Variants in ZPR1 observed in about 807,000 individuals in gnomAD.
ZPR1 encodes zinc finger protein ZPR1.
In ZPR1, 37 loss-of-function variants were observed where a neutral mutation model predicts 59.6. The ratio of observed to expected loss-of-function variants is 0.62; its 90% CI spans 0.48 to 0.82. ZPR1 has a LOEUF of 0.82. Among genes scored for constraint, ZPR1 ranks in the 40% least tolerant of loss-of-function variants. ZPR1 has a pLI of 0.00. For synonymous variants in ZPR1, 191 were observed against 215.2 expected, an observed-to-expected ratio of 0.89 and a Z score of 0.99; for missense variants, 527 against 579.9, an observed-to-expected ratio of 0.91 and a Z score of 0.94.
intron 9 of ZPR1, 139 bp from the exon 10 acceptor site, chr11:116,783,758 G>C (rs1053612098): frequency 1.5e-6 from 1 of 647,470 alleles, no homozygotes; most frequent in Non-Finnish European, 2.6e-6. Context: ...CTAAACAGCA[G>C]TCGCCCAAAC....
At chr11:116,783,208 G>T (rs867795797) in intron 10 of ZPR1, among the ~76,000 whole-genome samples, 179 bp from the exon 11 acceptor site, 36 of 152,192 alleles carry the variant, frequency 2.4e-4, no homozygotes, top group African/African-American at 8.7e-4. Context: ...CACGGGAATA[G>T]ATCCAACTTA....
Position 116,786,580 on chromosome 11 carries a change from A to G in ZPR1, c.426T>C (p.Ala142=), listed in dbSNP as rs756175513. ...TGATCAATCCTTCAACAGTGGTCAG[A>G]GCTTGTGAACAAGAACAAAAGACAA... ...FEIPAFSQKG[A]LTTVEGLITR... The change falls in exon 4 of 14, where the codon GCT becomes GCC. Residue 142 remains alanine (A), a splice_region_variant and synonymous_variant. Transcript: ENST00000227322. 1 of 1,614,114 alleles carries G rather than the reference A, an allele frequency of 6.2e-7. No homozygotes were observed.
Position 116,777,191 on chromosome 11 carries a change from C to G in ZPR1, c.*1734G>C, listed in dbSNP as rs1201862590. ...CAAAGTGAAGGGAAAACCAAGGGTA[C>G]AGTATCTCGAGAGCCAAAAGAAGGG... On this transcript the variant is annotated 3_prime_UTR_variant, in exon 14 of 14. Transcript: ENST00000227322. 6.6e-6 allele frequency: 1 copy of G among 152,176 alleles called. No homozygotes were observed. The highest frequency in any genetic ancestry group is 1.5e-5 in the Non-Finnish European group (1 of 68,032). 9.4% of individuals were successfully genotyped at this position (152,176 alleles called of 1,614,324 possible).
At chr11:116,780,101 A>T (rs983656240) in intron 12 of ZPR1, among the ~76,000 whole-genome samples, 17 of 147,644 alleles carry the variant, frequency 1.2e-4, no homozygotes, top group African/African-American at 2.9e-4. Context: ...AAAAATTTTT[A>T]AAAAAAGAGG....
At chr11:116,786,845 C>T (rs3741298) in intron 3 of ZPR1, 124 bp downstream of exon 3, 608,382 of 818,886 alleles carry the variant, frequency 0.74, 230,058 homozygotes, top group Non-Finnish European at 0.8. Context: ...TAATGAAGAT[C>T]ACAATGATTA....
intron 3 of ZPR1, 68 bp downstream of exon 3, chr11:116,786,900 GT>G: frequency 7.7e-7 from 1 of 1,296,528 alleles, no homozygotes; most frequent in Non-Finnish European, 1.1e-6. Flanking sequence ...GCACCAGGGG[GT>G]TTTGCAAGAA....
At chr11:116,782,354 T>C in intron 11 of ZPR1, 110 bp from the exon 12 acceptor site, 1 of 897,028 alleles carries the variant, frequency 1.1e-6, no homozygotes, top group Non-Finnish European at 1.8e-6. Flanking sequence ...GAAACTTGGT[T>C]TCCATTTAGC....
In ZPR1 at chr11:116,787,810, C is replaced by CCCGCCT. The variant is rs1321711419; in HGVS notation, c.171+4_171+9dup. 6.4e-7 allele frequency: 1 copy of CCCGCCT among 1,551,014 alleles called. No homozygotes were observed. Among genetic ancestry groups the CCCGCCT allele is most frequent in the Non-Finnish European group, 8.7e-7 (1 of 1,148,560 alleles). ...CCCACCCGCCGCTCGCGGCCGCGCC[C>CCCGCCT]CCGCCTCACATTGCAGTAACAGTTC... On this transcript the variant is annotated intron_variant, in intron 1 of 13. Coordinates refer to ENST00000227322, the MANE Select transcript of ZPR1 (RefSeq NM_003904.5).
rs1275513190 is a variant in ZPR1 at position 116,784,396 on chromosome 11, A to C, written c.873T>G (p.Cys291Trp). The C allele has an allele frequency of 6.2e-7, 1 of 1,614,162 alleles. No individual in the cohort carries two copies. Among genetic ancestry groups the C allele is most frequent in the South Asian group, 1.1e-5 (1 of 91,078 alleles). The change falls in exon 9 of 14, where the codon TGT (cysteine) becomes TGG (tryptophan). Residue 291 changes from cysteine (C) to tryptophan (W), a missense_variant. Physicochemically the swap from Cys to Trp is radical, Grantham distance 215 (BLOSUM62 -2). Coordinates refer to ENST00000227322, the MANE Select transcript of ZPR1 (RefSeq NM_003904.5). ...VIIMATNCEN[C>W]GHRTNEVKSG... ...CACCCACCTCATTGGTCCGATGCCC[A>C]CAGTTCTCGCAGTTGGTAGCCATGA...
chr11:116,779,079 C>T lies in ZPR1; in HGVS notation c.1246-20G>A, dbSNP rs780004265. On this transcript the variant is annotated intron_variant, in intron 13 of 13. Coordinates refer to ENST00000227322, the MANE Select transcript of ZPR1 (RefSeq NM_003904.5). Reference sequence around the variant, plus strand: ...CACATTCTGCAAGGTCAAGGAGAGACAATCAGTGCCGCTGTGCCACTCCCC... The same window carrying T: ...CACATTCTGCAAGGTCAAGGAGAGATAATCAGTGCCGCTGTGCCACTCCCC... 2 of 1,613,040 alleles carry T rather than the reference C, an allele frequency of 1.2e-6. No homozygotes were observed. The highest frequency in any genetic ancestry group is 2.2e-5 in the South Asian group (2 of 90,970).
Position 116,787,575 on chromosome 11 carries a change from G to T in ZPR1, c.240C>A (p.Cys80Ter), listed in dbSNP as rs1374645416. 5 of 1,614,228 alleles carry T rather than the reference G, an allele frequency of 3.1e-6. No homozygotes were observed. The highest frequency in any genetic ancestry group is 4.2e-6 in the Non-Finnish European group (5 of 1,180,032). Residue 80 changes from cysteine to a stop codon, truncating the protein, a stop_gained, in exon 2 of 14, where the codon TGC becomes TGA. Transcript: ENST00000227322. LOFTEE classifies it high-confidence loss of function. ...FREIIVSSFS[C>*]EHCGWNNTEI... Reference sequence around the variant, plus strand: ...CCGTGTTGTTCCAGCCACAGTGCTCGCAGGAAAAGGAGCTCACTATTATTT... The same window carrying T: ...CCGTGTTGTTCCAGCCACAGTGCTCTCAGGAAAAGGAGCTCACTATTATTT...
rs1014649881 is a variant in ZPR1, at chr11:116,773,836, G to C, written c.*5089C>G. On this transcript the variant is annotated 3_prime_UTR_variant, in exon 14 of 14. Coordinates refer to ENST00000227322, the MANE Select transcript of ZPR1 (RefSeq NM_003904.5). ...AGAAAAGACTTTATTCTTTGCAGGG[G>C]GTTTAGAGCTTTACCTGAATTATCT... 1 of 152,024 alleles carries C rather than the reference G, an allele frequency of 6.6e-6. No individual in the cohort carries two copies. The highest frequency in any genetic ancestry group is 2.1e-4 in the South Asian group (1 of 4,832). 9.4% of individuals were successfully genotyped at this position (152,024 alleles called of 1,614,324 possible). A position where few individuals can be genotyped will look rare whatever the true frequency, so the allele number is the denominator to read the frequency against.
rs1940722246 is a variant in ZPR1 at position 116,776,363 on chromosome 11, C to G, written c.*2562G>C. Reference sequence around the variant, plus strand: ...CGAGACCCTTTCCCTATCTTTTTACCTATAGATGTTATCCCTAGTGTCCTA... The same window carrying G: ...CGAGACCCTTTCCCTATCTTTTTACGTATAGATGTTATCCCTAGTGTCCTA... On this transcript the variant is annotated 3_prime_UTR_variant, in exon 14 of 14. Transcript: ENST00000227322. 1 of 152,186 alleles carries G rather than the reference C, an allele frequency of 6.6e-6. No individual in the cohort carries two copies. The highest frequency in any genetic ancestry group is 1.5e-5 in the Non-Finnish European group (1 of 68,050). 9.4% of individuals were successfully genotyped at this position (152,186 alleles called of 1,614,324 possible).
chr11:116,785,876 T>G lies in ZPR1; in HGVS notation c.502A>C (p.Lys168Gln). The change falls in exon 5 of 14, where the codon AAA (lysine) becomes CAA (glutamine). Residue 168 changes from lysine (K) to glutamine (Q), a missense_variant. Physicochemically the swap from Lys to Gln is moderately conservative, Grantham distance 53. Coordinates refer to ENST00000227322, the MANE Select transcript of ZPR1 (RefSeq NM_003904.5). ...EQDQPARRAN[K>Q]DATAERIDEF... ...TCAATTCTTTCAGCTGTAGCATCTTTGTTTGCCTGCCATGAACAGAGAGTA... is the reference window on the plus strand; with the variant it reads ...TCAATTCTTTCAGCTGTAGCATCTTGGTTTGCCTGCCATGAACAGAGAGTA... 1 of 1,614,198 alleles carries G rather than the reference T, an allele frequency of 6.2e-7. No homozygotes were observed.
rs763000803 is a variant in ZPR1 at position 116,788,016 on chromosome 11, G to T, written c.-26C>A. 9.2e-6 allele frequency: 13 copies of T among 1,412,904 alleles called. No homozygotes were observed. Among genetic ancestry groups the T allele is most frequent in the Non-Finnish European group, 1.2e-5 (13 of 1,091,804 alleles). The allele number at this position is 1,412,904 out of a possible 1,614,324, so 87.5% of individuals were successfully genotyped here. Reference sequence around the variant, plus strand: ...GGCCACCACGCGCAATTCAGACCTCGGCTTCCTACTTCCGCCGCTCTCGCG... The same window carrying T: ...GGCCACCACGCGCAATTCAGACCTCTGCTTCCTACTTCCGCCGCTCTCGCG... On this transcript the variant is annotated 5_prime_UTR_variant, in exon 1 of 14. Coordinates refer to ENST00000227322, the MANE Select transcript of ZPR1 (RefSeq NM_003904.5).
chr11:116,784,333 T>C, intron 9 of ZPR1, 45 bp downstream of exon 9: 1 of 1,593,148 alleles, frequency 6.3e-7, no homozygotes, highest in Non-Finnish European at 8.6e-7. Context: ...TAAAAGGGGG[T>C]TACCCTTAAG....
chr11:116,774,465 G>C lies in ZPR1; in HGVS notation c.*4460C>G, dbSNP rs1940695721. ...GTTTCTTGGACCAAGAGTCAAAAAG[G>C]TCACTTTTTTAATATATTAGTCAAG... On this transcript the variant is annotated 3_prime_UTR_variant, in exon 14 of 14. Coordinates refer to ENST00000227322, the MANE Select transcript of ZPR1 (RefSeq NM_003904.5). 6.6e-6 allele frequency: 1 copy of C among 151,970 alleles called. No homozygotes were observed. The highest frequency in any genetic ancestry group is 2.4e-5 in the African/African-American group (1 of 41,348). The allele number at this position is 151,970 out of a possible 1,614,324, so 9.4% of individuals were successfully genotyped here.
At chr11:116,784,969 T>C in intron 7 of ZPR1, 48 bp from the exon 8 acceptor site, 8 of 1,611,662 alleles carry the variant, frequency 5.0e-6, no homozygotes, top group Non-Finnish European at 6.8e-6. Context: ...AGATGGGATG[T>C]TCAGGCTAAA....
intron 13 of ZPR1, among the ~76,000 whole-genome samples, chr11:116,779,331 C>G (rs116555366): frequency 1.1e-3 from 162 of 152,278 alleles, no homozygotes; most frequent in African/African-American, 3.9e-3. Flanking sequence ...TGGTCTTAAT[C>G]TTGGAAAGAA....
Sources: allele counts gnomAD v4.1 joint callset (sites outside exome capture counted in the v4.1 genomes callset), GRCh38; gene constraint gnomAD v4.1.1; transcripts MANE v1.5; gene names NCBI Gene and HGNC (gene_info 2026-07-23, HGNC 2026-07-21).